The following USP37 variants were observed in gnomAD, a reference collection of about 807,000 sequenced individuals.
The protein encoded by USP37 is ubiquitin specific peptidase 37.
A neutral mutation model predicts 124.0 loss-of-function variants in USP37; 27 were observed. The ratio of observed to expected loss-of-function variants is 0.22; its 90% CI spans 0.16 to 0.30. The LOEUF is 0.30. Among genes scored for constraint, USP37 ranks in the 10% least tolerant of loss-of-function variants. The pLI is 1.00. For missense variants in USP37, 889 were observed against 1,140.4 expected (o/e 0.78, Z 3.17); for synonymous variants, 365 against 388.0 (o/e 0.94, Z 0.70).
intron 10 of USP37, among the ~76,000 whole-genome samples, chr2:218,517,649 G>C (rs1483125112): frequency 1.3e-5 from 2 of 152,036 alleles, no homozygotes; most frequent in African/African-American, 4.8e-5. Flanking sequence ...TTGAGACTTT[G>C]TCTTTATTTC....
chr2:218,497,346 T>C (rs1350603608), intron 13 of USP37, among the ~76,000 whole-genome samples: 2 of 151,656 alleles, frequency 1.3e-5, no homozygotes. Context: ...GCTGGGATTA[T>C]AGGCGTGAGC....
At chr2:218,470,775 C>T (rs1690639855) in intron 20 of USP37, among the ~76,000 whole-genome samples, 1 of 152,178 alleles carries the variant, frequency 6.6e-6, no homozygotes, top group East Asian at 1.9e-4. Context: ...TGCCTTCCTG[C>T]CCCTCCTCAG....
chr2:218,459,758 G>A (rs761803061), intron 23 of USP37, 32 bp downstream of exon 23: 1 of 1,578,098 alleles, frequency 6.3e-7, no homozygotes, highest in East Asian at 2.3e-5. Context: ...CACTGAATTT[G>A]ACCAACTGTA....
intron 23 of USP37, 140 bp from the exon 24 acceptor site, chr2:218,457,301 AC>A: frequency 1.3e-6 from 1 of 741,540 alleles, no homozygotes; most frequent in Non-Finnish European, 2.2e-6. Flanking sequence ...ATCTGTTCAT[AC>A]CCTTTGACCC....
intron 9 of USP37, among the ~76,000 whole-genome samples, chr2:218,533,215 AT>A (rs1691432635): frequency 6.6e-6 from 1 of 152,022 alleles, no homozygotes; most frequent in Non-Finnish European, 1.5e-5. Context: ...TTGTACTTCT[AT>A]TTTTTAACGA....
At chr2:218,506,440 G>A (rs925185209) in intron 11 of USP37, among the ~76,000 whole-genome samples, 6 of 151,064 alleles carry the variant, frequency 4.0e-5, no homozygotes, top group Non-Finnish European at 8.9e-5. Flanking sequence ...ACGGGCACAC[G>A]CCACCATGCC....
chr2:218,452,029 T>C lies in USP37; in HGVS notation c.*2901A>G, dbSNP rs1174040799. ...TAGGCTTAAATTATAGTCATGGCTA[T>C]TAAAGAAATTAACAGCATCCAGCCA... On this transcript the variant is annotated 3_prime_UTR_variant, in exon 26 of 26. Transcript: ENST00000258399. The C allele has an allele frequency of 6.6e-6, 1 of 152,600 alleles. No individual in the cohort carries two copies. The highest frequency in any genetic ancestry group is 1.5e-5 in the Non-Finnish European group (1 of 68,046). 9.5% of individuals were successfully genotyped at this position (152,600 alleles called of 1,614,324 possible). A position where few individuals can be genotyped will look rare whatever the true frequency, so the allele number is the denominator to read the frequency against.
In USP37 at chr2:218,453,141, G is replaced by A. The variant is rs1174872997; in HGVS notation, c.*1789C>T. 5 of 152,118 alleles carry A rather than the reference G, an allele frequency of 3.3e-5. No individual in the cohort carries two copies. Among genetic ancestry groups the A allele is most frequent in the Admixed American group, 6.6e-5 (1 of 15,258 alleles). The allele number at this position is 152,118 out of a possible 1,614,324, so 9.4% of individuals were successfully genotyped here. On this transcript the variant is annotated 3_prime_UTR_variant, in exon 26 of 26. Coordinates refer to ENST00000258399, the MANE Select transcript of USP37 (RefSeq NM_020935.3). ...TTATAATTCAAAGAATGAAAACTTA[G>A]AATAGTTTACTACATTAGAATACAT... is the stretch of plus-strand genomic sequence containing the variant.
intron 10 of USP37, among the ~76,000 whole-genome samples, chr2:218,523,896 T>A (rs1171084209): frequency 6.6e-6 from 1 of 152,202 alleles, no homozygotes; most frequent in Non-Finnish European, 1.5e-5. Flanking sequence ...AATATCACCC[T>A]GTTCTTGACT....
At chr2:218,565,898 A>G (rs1271947925) in intron 1 of USP37, among the ~76,000 whole-genome samples, 1 of 152,116 alleles carries the variant, frequency 6.6e-6, no homozygotes, top group Non-Finnish European at 1.5e-5. Flanking sequence ...GAAATACAAA[A>G]ATTAGCCGGG....
intron 20 of USP37, among the ~76,000 whole-genome samples, chr2:218,468,347 C>T (rs1271692499): frequency 6.6e-6 from 1 of 151,186 alleles, no homozygotes; most frequent in Non-Finnish European, 1.5e-5. Context: ...TGGGATTCTC[C>T]TGCCTCAGCC....
At position 218,451,221 on chromosome 2, in the gene USP37, G is replaced by A. The variant is rs1365653233; in HGVS notation, c.*3709C>T. On this transcript the variant is annotated 3_prime_UTR_variant, in exon 26 of 26. Coordinates refer to ENST00000258399, the MANE Select transcript of USP37 (RefSeq NM_020935.3). The stretch of plus-strand genomic sequence containing the variant: ...ACTCAGTATAAAGCAAAATGGGGAG[G>A]AAAAAGACATCCATCCATTTTATTG... 6.6e-6 allele frequency: 1 copy of A among 152,070 alleles called. No homozygotes were observed. The highest frequency in any genetic ancestry group is 1.9e-4 in the East Asian group (1 of 5,194). 9.4% of individuals were successfully genotyped at this position (152,070 alleles called of 1,614,324 possible).
At chr2:218,528,722 C>G in intron 10 of USP37, 1 of 365,222 alleles carries the variant, frequency 2.7e-6, no homozygotes, top group Non-Finnish European at 5.0e-6. Context: ...AAACCATCAA[C>G]CCTTCTGTGC....
intron 20 of USP37, among the ~76,000 whole-genome samples, chr2:218,466,714 T>C (rs1574842802): frequency 6.6e-6 from 1 of 152,282 alleles, no homozygotes; most frequent in Admixed American, 6.5e-5. Context: ...ATGATCAAGC[T>C]ACTATTGAGA....
At chr2:218,519,797 G>A (rs112089320) in intron 10 of USP37, among the ~76,000 whole-genome samples, 23 of 152,044 alleles carry the variant, frequency 1.5e-4, no homozygotes, top group African/African-American at 4.6e-4. Flanking sequence ...TAGAGACGGG[G>A]TTTCACCACG....
rs1339410924 is a variant in USP37 at position 218,453,802 on chromosome 2, C to G, written c.*1128G>C. ...TTGCAACCCTATTTTAAGGGCAAAG[C>G]CAGACAGTAAATGGTTAAATGCCCA... On this transcript the variant is annotated 3_prime_UTR_variant, in exon 26 of 26. Coordinates refer to ENST00000258399, the MANE Select transcript of USP37 (RefSeq NM_020935.3). 6.6e-6 allele frequency: 1 copy of G among 152,184 alleles called. No individual in the cohort carries two copies. Among genetic ancestry groups the G allele is most frequent in the African/African-American group, 2.4e-5 (1 of 41,454 alleles). The allele number at this position is 152,184 out of a possible 1,614,324, so 9.4% of individuals were successfully genotyped here.
intron 11 of USP37, among the ~76,000 whole-genome samples, chr2:218,503,443 G>A (rs866884746): frequency 6.6e-6 from 1 of 152,206 alleles, no homozygotes; most frequent in Non-Finnish European, 1.5e-5. Context: ...TGGGCTGGGC[G>A]CGGTGGCTCA....
At chr2:218,484,271 G>T (rs1308221706) in intron 16 of USP37, among the ~76,000 whole-genome samples, 1 of 152,100 alleles carries the variant, frequency 6.6e-6, no homozygotes, top group Non-Finnish European at 1.5e-5. Flanking sequence ...TTCTCAAAAT[G>T]TTGAGATTAC....
chr2:218,497,941 G>A, intron 12 of USP37, 84 bp from the exon 13 acceptor site: 1 of 1,570,672 alleles, frequency 6.4e-7, no homozygotes, highest in East Asian at 2.2e-5. Flanking sequence ...TAATGGCACA[G>A]AAAATTTTTG....
Sources: gnomAD v4.1 joint callset for allele counts (sites outside exome capture counted in the v4.1 genomes callset) on GRCh38, gnomAD v4.1.1 for gene constraint, MANE v1.5 for transcripts, NCBI Gene and HGNC (gene_info 2026-07-23, HGNC 2026-07-21) for gene names.